ARHGAP6: variants seen among roughly 807,000 people sequenced by gnomAD.
The protein encoded by ARHGAP6 is Rho GTPase activating protein 6, also known as rho GTPase-activating protein 6.
Under a neutral mutation model 55.7 loss-of-function variants are expected in ARHGAP6, and 16 were observed. That is an observed-to-expected ratio of 0.29 (90% confidence interval 0.19 to 0.44). The LOEUF is 0.44. Ranked by LOEUF, ARHGAP6 falls within the 20% of genes least tolerant of loss-of-function variation. The pLI is 1.00. For missense variants in ARHGAP6, 698 were observed against 808.9 expected, an observed-to-expected ratio of 0.86 and a Z score of 1.66; for synonymous variants, 382 against 360.9, an observed-to-expected ratio of 1.06 and a Z score of -0.66.
At chrX:11,415,260 G>A (rs768754697) in intron 1 of ARHGAP6, among the ~76,000 whole-genome samples, 4 of 111,523 alleles carry the variant, frequency 3.6e-5, no homozygotes, top group South Asian at 3.8e-4. Flanking sequence ...GACGAGTGTC[G>A]CAATTCTGTT....
intron 1 of ARHGAP6, among the ~76,000 whole-genome samples, chrX:11,549,232 G>T (rs1039795241): frequency 9.0e-6 from 1 of 111,707 alleles, no homozygotes; most frequent in Non-Finnish European, 1.9e-5. Flanking sequence ...CATAAAAATT[G>T]TATGGCTAAG....
intron 1 of ARHGAP6, among the ~76,000 whole-genome samples, chrX:11,551,218 A>T (rs1237706291): frequency 1.8e-5 from 2 of 111,655 alleles, no homozygotes; most frequent in African/African-American, 6.5e-5. Context: ...ATGAAATGAA[A>T]TGAAGAGTCT....
At chrX:11,605,861 A>G (rs2052030297) in intron 1 of ARHGAP6, among the ~76,000 whole-genome samples, 1 of 110,215 alleles carries the variant, frequency 9.1e-6, no homozygotes, top group Admixed American at 9.7e-5. Context: ...TAATGGGTAG[A>G]AAGGTGAACT....
intron 1 of ARHGAP6, among the ~76,000 whole-genome samples, chrX:11,452,982 C>G (rs964147204): frequency 9.1e-5 from 10 of 110,221 alleles, no homozygotes. Flanking sequence ...TAGAGGCATC[C>G]TTACATGGGC....
rs750116316 is a variant in ARHGAP6 at position 11,245,126 on chromosome X, T to C, written c.748+9422A>G. Among the ~76,000 whole-genome samples, 157 of 112,140 alleles carry C rather than the reference T, an allele frequency of 1.4e-3. 3 individuals are homozygous for C. Among genetic ancestry groups the C allele is most frequent in the Non-Finnish European group, 4.3e-4 (23 of 53,175 alleles). On this transcript the variant is annotated intron_variant, in intron 2 of 12. Transcript: ENST00000337414. ...GAGTGGGTGGATGAGGCAGCTTCTA[T>C]CTAAAGGGTCACCAAAGTCAACTTG...
At chrX:11,351,199 T>TA (rs1237379473) in intron 1 of ARHGAP6, among the ~76,000 whole-genome samples, 1 of 111,007 alleles carries the variant, frequency 9.0e-6, no homozygotes, top group Non-Finnish European at 1.9e-5. Flanking sequence ...AATGATGCCT[T>TA]TAAACTGGTA....
intron 1 of ARHGAP6, among the ~76,000 whole-genome samples, chrX:11,291,417 C>T (rs1035716047): frequency 2.0e-4 from 22 of 111,358 alleles, no homozygotes; most frequent in African/African-American, 6.9e-4. Flanking sequence ...AATATATCAT[C>T]CTCTCATTCT....
intron 5 of ARHGAP6, among the ~76,000 whole-genome samples, chrX:11,185,674 T>C (rs2046378146): frequency 8.9e-6 from 1 of 112,469 alleles, no homozygotes; most frequent in African/African-American, 3.2e-5. Flanking sequence ...TATATCATTC[T>C]TAAGTCAACT....
At chrX:11,484,525 C>G (rs2050491535) in intron 1 of ARHGAP6, among the ~76,000 whole-genome samples, 1 of 71,368 alleles carries the variant, frequency 1.4e-5, no homozygotes, top group African/African-American at 6.3e-5. Flanking sequence ...AAGAAGGAGG[C>G]AGAGGAGGAG....
At chrX:11,327,203 C>G (rs2147627817) in intron 1 of ARHGAP6, among the ~76,000 whole-genome samples, 1 of 112,032 alleles carries the variant, frequency 8.9e-6, no homozygotes, top group East Asian at 2.8e-4. Context: ...AGAAAGGTGT[C>G]AAGTTTCTGA....
chrX:11,322,256 A>G (rs1212243105), intron 1 of ARHGAP6, among the ~76,000 whole-genome samples: 2 of 111,999 alleles, frequency 1.8e-5, no homozygotes, highest in Admixed American at 1.9e-4. Context: ...ATCCTTGGCC[A>G]GTAGCAAATC....
intron 1 of ARHGAP6, among the ~76,000 whole-genome samples, chrX:11,559,446 T>G (rs2051359942): frequency 9.0e-6 from 1 of 111,386 alleles, no homozygotes; most frequent in Non-Finnish European, 1.9e-5. Flanking sequence ...GGGTTCCTCC[T>G]CCCATAACAG....
chrX:11,565,636 C>T (rs2051433536), intron 1 of ARHGAP6, among the ~76,000 whole-genome samples: 1 of 112,416 alleles, frequency 8.9e-6, no homozygotes, highest in Non-Finnish European at 1.9e-5. Context: ...ATCAATGGTG[C>T]CTGCCTGCTG....
chrX:11,177,767 A>G (rs957235011), intron 8 of ARHGAP6, among the ~76,000 whole-genome samples: 2 of 112,097 alleles, frequency 1.8e-5, no homozygotes, highest in East Asian at 5.6e-4. Context: ...CACCCCCATC[A>G]TTCCACTTTT....
intron 1 of ARHGAP6, among the ~76,000 whole-genome samples, chrX:11,365,348 G>T (rs1160753578): frequency 2.7e-5 from 3 of 111,995 alleles, no homozygotes; most frequent in Non-Finnish European, 5.6e-5. Context: ...AATGGAGGGG[G>T]AGTCTTCTGT....
At chrX:11,352,592 T>C (rs1053079260) in intron 1 of ARHGAP6, among the ~76,000 whole-genome samples, 8 of 111,990 alleles carry the variant, frequency 7.1e-5, no homozygotes, top group South Asian at 3.8e-4. Context: ...AACTTCAGTG[T>C]AGTGACTTGT....
At chrX:11,442,163 C>A (rs748986445) in intron 1 of ARHGAP6, among the ~76,000 whole-genome samples, 233 of 110,096 alleles carry the variant, frequency 2.1e-3, no homozygotes, top group Non-Finnish European at 3.7e-3. Context: ...TATTACATCC[C>A]TTCTATTCAT....
chrX:11,438,995 C>T (rs915433494), intron 1 of ARHGAP6, among the ~76,000 whole-genome samples: 3 of 112,216 alleles, frequency 2.7e-5, no homozygotes, highest in African/African-American at 6.5e-5. Flanking sequence ...TTTCCTCTGA[C>T]GTCTGTCCTC....
chrX:11,259,900 C>T (rs758937669), intron 1 of ARHGAP6, among the ~76,000 whole-genome samples: 4 of 111,038 alleles, frequency 3.6e-5, no homozygotes, highest in South Asian at 3.8e-4. Context: ...TGTCCATACC[C>T]GAATCCCAGG....
Sources: gnomAD v4.1 joint callset for allele counts (sites outside exome capture counted in the v4.1 genomes callset) on GRCh38, gnomAD v4.1.1 for gene constraint, MANE v1.5 for transcripts, NCBI Gene and HGNC (gene_info 2026-07-23, HGNC 2026-07-21) for gene names.